KDM3B: variants seen among roughly 807,000 people sequenced by gnomAD.
The protein encoded by KDM3B is lysine-specific demethylase 3B.
Under a neutral mutation model 170.0 loss-of-function variants are expected in KDM3B, and 10 were observed. That is an observed-to-expected ratio of 0.06 (90% CI 0.04 to 0.10). The LOEUF is 0.10. Ranked by LOEUF, KDM3B falls within the 10% of genes least tolerant of loss-of-function variation. The pLI is 1.00. For missense variants in KDM3B, 1,394 were observed against 2,195.2 expected, an observed-to-expected ratio of 0.64 and a Z score of 7.29; for synonymous variants, 831 against 834.8, an observed-to-expected ratio of 1.00 and a Z score of 0.08.
intron 15 of KDM3B, 98 bp downstream of exon 15, chr5:138,421,060 T>G (rs1763261376): frequency 1.5e-6 from 2 of 1,378,308 alleles, no homozygotes; most frequent in African/African-American, 1.4e-5. Context: ...TGATTTGTGT[T>G]CTCTACATTG....
chr5:138,413,471 T>A (rs979604989), intron 11 of KDM3B, among the ~76,000 whole-genome samples: 1 of 152,118 alleles, frequency 6.6e-6, no homozygotes, highest in African/African-American at 2.4e-5. Context: ...GAATGCAGAT[T>A]GGTACCATCA....
intron 11 of KDM3B, among the ~76,000 whole-genome samples, chr5:138,403,675 C>T (rs1762744318): frequency 1.1e-5 from 1 of 91,230 alleles, no homozygotes; most frequent in Non-Finnish European, 2.2e-5. Flanking sequence ...GAAACTCTGT[C>T]TCAAAAAAAA....
intron 11 of KDM3B, among the ~76,000 whole-genome samples, chr5:138,408,944 C>G (rs1320276343): frequency 6.6e-6 from 1 of 152,134 alleles, no homozygotes; most frequent in East Asian, 1.9e-4. Flanking sequence ...AATACATAAA[C>G]AGATATACAG....
chr5:138,428,109 C>T (rs17599026), intron 20 of KDM3B, 23 bp downstream of exon 20: 150,956 of 1,608,244 alleles, frequency 0.094, 7,935 homozygotes, highest in South Asian at 0.15. Context: ...GAATCCACTG[C>T]TTTAGGATGG....
chr5:138,385,306 G>C (rs1762230149), intron 6 of KDM3B, among the ~76,000 whole-genome samples: 1 of 152,166 alleles, frequency 6.6e-6, no homozygotes, highest in South Asian at 2.1e-4. Flanking sequence ...ACAGGCATGA[G>C]CCAACACGCC....
At chr5:138,381,471 C>A in intron 5 of KDM3B, 45 bp from the exon 6 acceptor site, 1 of 1,148,748 alleles carries the variant, frequency 8.7e-7, no homozygotes, top group Non-Finnish European at 1.3e-6. Flanking sequence ...ATAATTATGT[C>A]TTTATGGACA....
chr5:138,430,022 G>A (rs890723643), intron 21 of KDM3B, 57 bp downstream of exon 21: 18 of 1,600,166 alleles, frequency 1.1e-5, no homozygotes, highest in Non-Finnish European at 1.5e-5. Flanking sequence ...TCGTTGCTGA[G>A]ACACCCTATC....
At chr5:138,409,776 A>T (rs1381613801) in intron 11 of KDM3B, among the ~76,000 whole-genome samples, 1 of 152,176 alleles carries the variant, frequency 6.6e-6, no homozygotes, top group African/African-American at 2.4e-5. Flanking sequence ...TAAAAGATAA[A>T]GAAAAAATAA....
At position 138,418,998 on chromosome 5, in the gene KDM3B, T is replaced by C. The variant is rs1561790812; in HGVS notation, c.3481T>C (p.Phe1161Leu). The change falls in exon 14 of 24, where the codon TTC (phenylalanine) becomes CTC (leucine). Residue 1161 changes from phenylalanine to leucine, a missense_variant. Physicochemically the swap from Phe to Leu is conservative, Grantham distance 22. This residue lies in a region of KDM3B where 87 missense variants were observed against 83.3 expected (regional missense o/e 1.04). Coordinates refer to ENST00000314358, the MANE Select transcript of KDM3B (RefSeq NM_016604.4). ...TGCCTCTTCTGGAAACGAAACTACC[T>C]TCTCTGGTGGAGGAGGACCGGCACC... The part of the protein sequence containing the change: ...PSASSGNETT[F>L]SGGGGPAPVT... 1 of 1,614,194 alleles carries C rather than the reference T, an allele frequency of 6.2e-7. No homozygotes were observed. Among genetic ancestry groups the C allele is most frequent in the Non-Finnish European group, 8.5e-7 (1 of 1,180,028 alleles).
rs1276727667 is a variant in KDM3B at position 138,420,781 on chromosome 5, C to T, written c.3791C>T (p.Ala1264Val). Residue 1264 changes from alanine (A) to valine (V), a missense_variant, in exon 15 of 24, where the codon GCA (alanine) becomes GTA (valine). By Grantham distance (64) the Ala-to-Val change is moderately conservative. This residue lies in a region of KDM3B where 137 missense variants were observed against 166.9 expected (regional missense o/e 0.82). Coordinates refer to ENST00000314358, the MANE Select transcript of KDM3B (RefSeq NM_016604.4). ...PFGLDSFNST[A>V]KVSPLTPKLF... ...GGGCTGGACTCGTTCAACTCCACTGCAAAGGTCTCTCCGCTGACTCCAAAG... is the reference window on the plus strand; with the variant it reads ...GGGCTGGACTCGTTCAACTCCACTGTAAAGGTCTCTCCGCTGACTCCAAAG... The T allele has an allele frequency of 6.2e-7, 1 of 1,614,188 alleles. No homozygotes were observed. The highest frequency in any genetic ancestry group is 8.5e-7 in the Non-Finnish European group (1 of 1,180,044).
In KDM3B at chr5:138,386,557, C is replaced by G. The variant is rs184734460; in HGVS notation, c.1316C>G (p.Thr439Ser). 432 of 1,614,214 alleles carry G rather than the reference C, an allele frequency of 2.7e-4. 3 individuals are homozygous for G. The East Asian group carries it at 8.2e-3, about 31-fold the overall frequency. The stretch of plus-strand genomic sequence containing the variant: ...CCAAACACAGTGAGGATCTCAGACA[C>G]TGGCCTTGCAGCAGGGACTGTGCCA... ...STPNTVRISD[T>S]GLAAGTVPEK... The change falls in exon 7 of 24, where the codon ACT becomes AGT. Residue 439 changes from threonine (T) to serine (S), a missense_variant. Thr to Ser is a moderately conservative substitution (Grantham distance 58). This residue lies in a region of KDM3B where 205 missense variants were observed against 227.6 expected (regional missense o/e 0.90). Coordinates refer to ENST00000314358, the MANE Select transcript of KDM3B (RefSeq NM_016604.4).
At chr5:138,368,133 T>C (rs1318528019) in intron 1 of KDM3B, among the ~76,000 whole-genome samples, 1 of 152,238 alleles carries the variant, frequency 6.6e-6, no homozygotes, top group Non-Finnish European at 1.5e-5. Context: ...TTTGCTAGTT[T>C]ATATCCCTTC....
intron 23 of KDM3B, among the ~76,000 whole-genome samples, chr5:138,433,930 G>A (rs1424088422): frequency 6.9e-6 from 1 of 143,924 alleles, no homozygotes; most frequent in African/African-American, 2.6e-5. Context: ...AGTAGAGACA[G>A]GGTTTCACCA....
At chr5:138,376,704 A>G (rs2126927878) in intron 3 of KDM3B, among the ~76,000 whole-genome samples, 1 of 150,736 alleles carries the variant, frequency 6.6e-6, no homozygotes, top group South Asian at 2.1e-4. Flanking sequence ...ACTCCATCTC[A>G]AGAAAAAAAG....
At chr5:138,430,512 T>A in intron 22 of KDM3B, 87 bp downstream of exon 22, 1 of 1,223,166 alleles carries the variant, frequency 8.2e-7, no homozygotes, top group Non-Finnish European at 1.2e-6. Flanking sequence ...GAGATTTAAG[T>A]AGCTGGATTG....
rs1191404920 is a variant in KDM3B at position 138,436,081 on chromosome 5, A to G, written c.*381A>G. On this transcript the variant is annotated 3_prime_UTR_variant, in exon 24 of 24. Transcript: ENST00000314358. ...GGAAATGTGTTTGGAGATAGGGGAA[A>G]TCACATAACTGGTACAAGTATGGGG... 1.3e-5 allele frequency: 3 copies of G among 224,684 alleles called. No homozygotes were observed. The highest frequency in any genetic ancestry group is 1.1e-4 in the Admixed American group (2 of 18,394). 13.9% of individuals were successfully genotyped at this position (224,684 alleles called of 1,614,324 possible).
rs145501091 is a variant in KDM3B at position 138,409,196 on chromosome 5, A to C, written c.3200-5936A>C. On this transcript the variant is annotated intron_variant, in intron 11 of 23. Coordinates refer to ENST00000314358, the MANE Select transcript of KDM3B (RefSeq NM_016604.4). ...AGTTAGTGGTCAGTATGAAGAAATA[A>C]AAGGGAAAAAGGGGAAAAGGAAAAC... Among the ~76,000 whole-genome samples, 417 of 152,312 alleles carry C rather than the reference A, an allele frequency of 2.7e-3. 15 individuals are homozygous for C. The highest frequency in any genetic ancestry group is 0.025 in the Admixed American group (380 of 15,296).
At chr5:138,410,615 C>T (rs1762940334) in intron 11 of KDM3B, among the ~76,000 whole-genome samples, 1 of 151,808 alleles carries the variant, frequency 6.6e-6, no homozygotes, top group African/African-American at 2.4e-5. Context: ...ACAGCTGGGC[C>T]CGGGGGACCA....
chr5:138,368,704 A>G lies in KDM3B; in HGVS notation c.193-3970A>G, dbSNP rs925217017. 3.9e-5 allele frequency among the ~76,000 whole-genome samples: 6 copies of G among 152,322 alleles called. No individual in the cohort carries two copies. The East Asian group carries it at 1.2e-3, about 29-fold the overall frequency. On this transcript the variant is annotated intron_variant, in intron 1 of 23. Coordinates refer to ENST00000314358, the MANE Select transcript of KDM3B (RefSeq NM_016604.4). The stretch of plus-strand genomic sequence containing the variant: ...TATCTACATTCCATATTGCTCTCAA[A>G]ACAAATTCATATTATCAGATTGGAG...
Sources: allele counts gnomAD v4.1 joint callset (sites outside exome capture counted in the v4.1 genomes callset), GRCh38; gene constraint gnomAD v4.1.1; regional missense constraint gnomAD v4.1.1; transcripts MANE v1.5; gene names NCBI Gene and HGNC (gene_info 2026-07-23, HGNC 2026-07-21).